Variants in THOP1 observed in about 807,000 individuals in gnomAD.
THOP1 encodes thimet oligopeptidase 1, also known as thimet oligopeptidase.
THOP1 carries 49 observed loss-of-function variants against 71.8 expected under a neutral mutation model. The ratio of observed to expected loss-of-function variants is 0.68; its 90% CI spans 0.54 to 0.87. The LOEUF (loss-of-function observed/expected upper bound fraction) is 0.87. Ranked by LOEUF, THOP1 falls within the 40% of genes least tolerant of loss-of-function variation. The pLI, the probability that THOP1 is intolerant of heterozygous loss-of-function variation, is 0.00. For synonymous variants in THOP1, 426 were observed against 421.5 expected, an observed-to-expected ratio of 1.01 and a Z score of -0.13; for missense variants, 843 against 975.6, an observed-to-expected ratio of 0.86 and a Z score of 1.81.
intron 3 of THOP1, 158 bp from the exon 4 acceptor site, chr19:2,795,923 G>A (rs1281138281): frequency 1.7e-6 from 1 of 585,670 alleles, no homozygotes; most frequent in South Asian, 1.9e-5. Context: ...CAGGTTTTAT[G>A]TAGAGACAGG....
Position 2,807,548 on chromosome 19 carries a change from C to T in THOP1, c.993C>T (p.Arg331=), listed in dbSNP as rs1299229361. The T allele has an allele frequency of 1.9e-6, 3 of 1,612,458 alleles. No homozygotes were observed. The highest frequency in any genetic ancestry group is 2.5e-6 in the Non-Finnish European group (3 of 1,179,804). Residue 331 remains arginine (R), a synonymous_variant, in exon 8 of 13, where the codon CGC becomes CGT. Coordinates refer to ENST00000307741, the MANE Select transcript of THOP1 (RefSeq NM_003249.5). ...CERRGLPFDG[R]IRAWDMRYYM... The stretch of plus-strand genomic sequence containing the variant: ...GCCGGGGCCTGCCCTTCGACGGCCG[C>T]ATCCGTGCCTGGGACATGCGCTACT...
chr19:2,805,844 T>C lies in THOP1; in HGVS notation c.750+668T>C, dbSNP rs1916275544. Among the ~76,000 whole-genome samples, 1 of 143,166 alleles carries C rather than the reference T, an allele frequency of 7.0e-6. No individual in the cohort carries two copies. The highest frequency in any genetic ancestry group is 2.6e-5 in the African/African-American group (1 of 38,542). 93.9% of individuals were successfully genotyped at this position (143,166 alleles called of 152,430 possible). On this transcript the variant is annotated intron_variant, in intron 6 of 12. Transcript: ENST00000307741. This position sits in a 1 kb window ranked among gnomAD's most constrained non-coding sequence, Gnocchi z 6.6. ...AAGGGGACGGGCGGGTGCCCATCAC[T>C]GCGGGGGGACGGGCGGGTGCCCATC...
intron 10 of THOP1, 42 bp downstream of exon 10, chr19:2,810,532 G>C (rs201922825): frequency 1.9e-5 from 29 of 1,530,278 alleles, no homozygotes; most frequent in Middle Eastern, 2.3e-4. Flanking sequence ...ACCTCGGGGG[G>C]CGGCACACAG....
At chr19:2,800,843 C>T (rs940417489) in intron 5 of THOP1, among the ~76,000 whole-genome samples, 1 of 151,930 alleles carries the variant, frequency 6.6e-6, no homozygotes, top group Non-Finnish European at 1.5e-5. Context: ...CCCACGCCAT[C>T]CCGCGGCCAC....
At position 2,805,831 on chromosome 19, in the gene THOP1, G is replaced by A. The variant is rs981901815; in HGVS notation, c.750+655G>A. On this transcript the variant is annotated intron_variant, in intron 6 of 12. Coordinates refer to ENST00000307741, the MANE Select transcript of THOP1 (RefSeq NM_003249.5). This position sits in a 1 kb window ranked among gnomAD's most constrained non-coding sequence, Gnocchi z 6.6. ...CACTGATCACTGCAAGGGGACGGGC[G>A]GGTGCCCATCACTGCGGGGGGACGG... 1.3e-5 allele frequency among the ~76,000 whole-genome samples: 2 copies of A among 150,310 alleles called. No individual in the cohort carries two copies. The highest frequency in any genetic ancestry group is 2.5e-5 in the African/African-American group (1 of 40,804).
At chr19:2,808,580 C>T in intron 9 of THOP1, 136 bp downstream of exon 9, 1 of 1,007,216 alleles carries the variant, frequency 9.9e-7, no homozygotes, top group Non-Finnish European at 1.4e-6. Context: ...CAATGCCACC[C>T]AAAGATGGTG....
Position 2,808,324 on chromosome 19 carries a change from C to T in THOP1, c.1335C>T (p.Ile445=), listed in dbSNP as rs1171977431. The T allele has an allele frequency of 3.8e-6, 6 of 1,595,208 alleles. No individual in the cohort carries two copies. The highest frequency in any genetic ancestry group is 1.1e-5 in the South Asian group (1 of 88,780). ...AGGATGGGAGCCGCCAGATCGCCAT[C>T]GCGGCCATGGTGGCCAACTTCACCA... The part of the protein sequence containing the change: ...LRQDGSRQIA[I]AAMVANFTKP... Residue 445 remains isoleucine, a synonymous_variant, in exon 9 of 13, where the codon ATC becomes ATT. Transcript: ENST00000307741.
Position 2,806,864 on chromosome 19 carries a change from G to A in THOP1, c.751-53G>A, listed in dbSNP as rs1916304005. ...CCCTGGGACAGGGCGTGCTGGCCCT[G>A]GAGGTGGAGGGAGTGGCGCCCCTGG... is the stretch of plus-strand genomic sequence containing the variant. On this transcript the variant is annotated intron_variant, in intron 6 of 12. Transcript: ENST00000307741. 4 of 1,610,340 alleles carry A rather than the reference G, an allele frequency of 2.5e-6. No homozygotes were observed. In the African/African-American group the frequency reaches 4.0e-5, roughly 16 times the overall value.
intron 2 of THOP1, among the ~76,000 whole-genome samples, chr19:2,791,417 C>T (rs565200826): frequency 6.6e-6 from 1 of 152,100 alleles, no homozygotes; most frequent in Admixed American, 6.5e-5. Context: ...TCCAAGGCAT[C>T]CCCTGAAAGG....
At chr19:2,802,858 C>T (rs143970522) in intron 5 of THOP1, among the ~76,000 whole-genome samples, 98 of 152,374 alleles carry the variant, frequency 6.4e-4, no homozygotes, top group Middle Eastern at 6.8e-3. Flanking sequence ...GTCTTATTCC[C>T]GGGTTATCAT....
In THOP1 at chr19:2,785,612, C is replaced by T; in HGVS notation, c.-51C>T. 6.7e-7 allele frequency: 1 copy of T among 1,499,046 alleles called. No homozygotes were observed. The highest frequency in any genetic ancestry group is 2.2e-5 in the Admixed American group (1 of 45,904). 92.9% of individuals were successfully genotyped at this position (1,499,046 alleles called of 1,614,324 possible). Reference sequence around the variant, plus strand: ...GGCCTCAGTGGCCGAGGTGGCTGGACGCGTAGCAGGTGGAAGGAGGGAGGG... The same window carrying T: ...GGCCTCAGTGGCCGAGGTGGCTGGATGCGTAGCAGGTGGAAGGAGGGAGGG... On this transcript the variant is annotated 5_prime_UTR_variant, in exon 1 of 13. It adds an upstream start codon to the 5' untranslated region. Coordinates refer to ENST00000307741, the MANE Select transcript of THOP1 (RefSeq NM_003249.5).
intron 5 of THOP1, 24 bp downstream of exon 5, chr19:2,799,815 G>A (rs1041086618): frequency 1.8e-5 from 29 of 1,600,464 alleles, no homozygotes; most frequent in African/African-American, 1.1e-4. Flanking sequence ...AGTGGGGCAC[G>A]GGTGGCCATC....
At chr19:2,787,245 A>G (rs1915768042) in intron 1 of THOP1, among the ~76,000 whole-genome samples, 1 of 152,040 alleles carries the variant, frequency 6.6e-6, no homozygotes, top group South Asian at 2.1e-4. Flanking sequence ...TCCTTGCCTG[A>G]TCCTTGGCTT....
chr19:2,796,282 G>A, intron 4 of THOP1, 94 bp downstream of exon 4: 1 of 1,026,906 alleles, frequency 9.7e-7, no homozygotes, highest in Non-Finnish European at 1.4e-6. Flanking sequence ...GGAGTGGTGG[G>A]AGCAAGAAGC....
chr19:2,806,825 A>T, intron 6 of THOP1, 92 bp from the exon 7 acceptor site: 3 of 1,595,474 alleles, frequency 1.9e-6, no homozygotes, highest in Non-Finnish European at 2.6e-6. Flanking sequence ...ACGGAGCTGG[A>T]TATGAGCCTT....
At chr19:2,797,286 C>T (rs780956810) in intron 4 of THOP1, among the ~76,000 whole-genome samples, 2 of 152,024 alleles carry the variant, frequency 1.3e-5, no homozygotes, top group East Asian at 1.9e-4. Context: ...TTGATTTGCA[C>T]GTGAAAGATG....
Position 2,808,446 on chromosome 19 carries a change from T to C in THOP1, c.1455+2T>C. 5.0e-6 allele frequency: 8 copies of C among 1,600,108 alleles called. No individual in the cohort carries two copies. The highest frequency in any genetic ancestry group is 6.8e-6 in the Non-Finnish European group (8 of 1,171,130). ...GTGATGCACCAGCTCTGCTCCCAGG[T>C]GGGTGCGGGCCCGGGCAGGGGCAGG... On this transcript the variant is annotated splice_donor_variant, in intron 9 of 12. Transcript: ENST00000307741. LOFTEE classifies it high-confidence loss of function.
At chr19:2,798,379 T>G (rs1384098685) in intron 4 of THOP1, among the ~76,000 whole-genome samples, 1 of 152,114 alleles carries the variant, frequency 6.6e-6, no homozygotes, top group Non-Finnish European at 1.5e-5. Flanking sequence ...TGTGTGGCCA[T>G]GTGCATGGTA....
chr19:2,791,231 C>T (rs768615135), intron 2 of THOP1, among the ~76,000 whole-genome samples: 2 of 152,182 alleles, frequency 1.3e-5, no homozygotes, highest in Non-Finnish European at 2.9e-5. Context: ...GGGTTAGGGA[C>T]ACTGCTTCCC....
Sources: allele counts gnomAD v4.1 joint callset (sites outside exome capture counted in the v4.1 genomes callset), GRCh38; gene constraint gnomAD v4.1.1; non-coding constraint Gnocchi (gnomAD v3.1); transcripts MANE v1.5; gene names NCBI Gene and HGNC (gene_info 2026-07-23, HGNC 2026-07-21).